The following HIP1 variants were observed in gnomAD, a reference collection of about 807,000 sequenced individuals.
The protein encoded by HIP1 is huntingtin-interacting protein 1.
Under a neutral mutation model 147.6 loss-of-function variants are expected in HIP1, and 65 were observed. The observed-to-expected ratio is 0.44, with a 90% CI of 0.36 to 0.54. The LOEUF (loss-of-function observed/expected upper bound fraction) is 0.54. HIP1 is among the 20% of genes least tolerant of loss of function. HIP1 has a pLI of 0.00. For missense variants in HIP1, 1,061 were observed against 1,299.6 expected (o/e 0.82, Z 2.82); for synonymous variants, 479 against 504.0 (o/e 0.95, Z 0.67).
intron 11 of HIP1, 121 bp from the exon 12 acceptor site, chr7:75,562,291 A>AT (rs1442155648): frequency 3.0e-5 from 19 of 641,212 alleles, no homozygotes; most frequent in Middle Eastern, 7.6e-4. Flanking sequence ...GACCTGTTTA[A>AT]TTTTTTTAAT....
intron 8 of HIP1, among the ~76,000 whole-genome samples, chr7:75,572,189 A>C (rs991276771): frequency 7.2e-4 from 107 of 149,612 alleles, no homozygotes; most frequent in African/African-American, 2.4e-3. Flanking sequence ...ATGCCATTGC[A>C]CTCTAGCCTG....
At chr7:75,660,466 G>A (rs1348621649) in intron 1 of HIP1, among the ~76,000 whole-genome samples, 2 of 152,130 alleles carry the variant, frequency 1.3e-5, no homozygotes, top group African/African-American at 4.8e-5. Context: ...GGCAGAGGTT[G>A]CAGTGAACCG....
intron 1 of HIP1, among the ~76,000 whole-genome samples, chr7:75,659,415 T>A (rs1301475338): frequency 6.6e-6 from 1 of 152,166 alleles, no homozygotes; most frequent in Non-Finnish European, 1.5e-5. Context: ...TCCCAGCACT[T>A]CGGGAGGCCA....
intron 1 of HIP1, among the ~76,000 whole-genome samples, chr7:75,607,745 C>T (rs1554504101): frequency 6.6e-6 from 1 of 151,582 alleles, no homozygotes; most frequent in Non-Finnish European, 1.5e-5. Flanking sequence ...AAAAGAACTG[C>T]TAAGTAAACT....
At chr7:75,608,220 T>C (rs1391469794) in intron 1 of HIP1, among the ~76,000 whole-genome samples, 1 of 151,882 alleles carries the variant, frequency 6.6e-6, no homozygotes, top group African/African-American at 2.4e-5. Context: ...AGGCAGAAAA[T>C]TGCTTAAACC....
At chr7:75,689,539 G>A (rs1800376975) in intron 1 of HIP1, among the ~76,000 whole-genome samples, 1 of 152,088 alleles carries the variant, frequency 6.6e-6, no homozygotes, top group Admixed American at 6.6e-5. Context: ...ACTCACTGTA[G>A]AAAATTATTT....
At chr7:75,595,298 C>G (rs368305217) in intron 2 of HIP1, among the ~76,000 whole-genome samples, 4,311 of 110,592 alleles carry the variant, frequency 0.039, 251 homozygotes, top group African/African-American at 0.084. Context: ...CTTTCTTTCT[C>G]TCTCTCCCTT....
chr7:75,658,378 C>A (rs2117205336), intron 1 of HIP1, among the ~76,000 whole-genome samples: 1 of 152,318 alleles, frequency 6.6e-6, no homozygotes, highest in Admixed American at 6.5e-5. Context: ...GCGTGAGCCA[C>A]TGTATCCGGC....
In HIP1 at chr7:75,543,100, A is replaced by C. The variant is rs868959552; in HGVS notation, c.2767-126T>G. On this transcript the variant is annotated intron_variant, in intron 27 of 30. Coordinates refer to ENST00000336926, the MANE Select transcript of HIP1 (RefSeq NM_005338.7). ...AACGGCAATCACCAATCAGCTTCTC[A>C]AAATCTGCTGACTATAGTCAGCTCC... 47 of 946,836 alleles carry C rather than the reference A, an allele frequency of 5.0e-5. 1 individual carries two copies. In the Middle Eastern group the frequency reaches 1.7e-3, roughly 34 times the overall value. 58.7% of individuals were successfully genotyped at this position (946,836 alleles called of 1,614,324 possible).
intron 1 of HIP1, among the ~76,000 whole-genome samples, chr7:75,647,210 A>C (rs1172717406): frequency 2.2e-5 from 2 of 92,028 alleles, no homozygotes; most frequent in African/African-American, 8.1e-5. Context: ...TACTAAAAAT[A>C]CAAAAAAAAA....
At chr7:75,611,767 T>A in intron 1 of HIP1, 1 of 1,037,982 alleles carries the variant, frequency 9.6e-7, no homozygotes, top group African/African-American at 1.7e-5. Flanking sequence ...GTGTCTCCCC[T>A]GAAAGGGTGG....
chr7:75,680,217 C>T (rs554961682), intron 1 of HIP1, among the ~76,000 whole-genome samples: 23 of 152,140 alleles, frequency 1.5e-4, no homozygotes, highest in African/African-American at 4.8e-4. Flanking sequence ...TAATTTTTTA[C>T]GTTTTTAGTA....
intron 5 of HIP1, among the ~76,000 whole-genome samples, chr7:75,585,718 C>T (rs1022873590): frequency 6.6e-5 from 10 of 152,030 alleles, no homozygotes; most frequent in African/African-American, 2.4e-4. Flanking sequence ...GTGCCCACCC[C>T]TCTGCCTGAT....
At chr7:75,585,733 G>A (rs587617754) in intron 5 of HIP1, among the ~76,000 whole-genome samples, 2 of 151,686 alleles carry the variant, frequency 1.3e-5, no homozygotes, top group South Asian at 4.2e-4. Flanking sequence ...CCTGATCCCC[G>A]TTGTCTCCCA....
intron 1 of HIP1, 112 bp from the exon 2 acceptor site, chr7:75,599,359 C>A (rs1796886464): frequency 2.4e-6 from 2 of 822,812 alleles, no homozygotes; most frequent in Non-Finnish European, 4.1e-6. Flanking sequence ...CAACCTCCCC[C>A]AGCCCCACGG....
At chr7:75,684,079 G>C (rs1178717226) in intron 1 of HIP1, among the ~76,000 whole-genome samples, 1 of 151,970 alleles carries the variant, frequency 6.6e-6, no homozygotes, top group African/African-American at 2.4e-5. Flanking sequence ...AGGAGTTCGA[G>C]ACCAGCCTGA....
chr7:75,544,438 C>T (rs587704562), intron 27 of HIP1, among the ~76,000 whole-genome samples: 2 of 142,074 alleles, frequency 1.4e-5, no homozygotes, highest in African/African-American at 2.7e-5. Flanking sequence ...TACTATCTAA[C>T]GTAGCCAAGT....
intron 7 of HIP1, among the ~76,000 whole-genome samples, 165 bp downstream of exon 7, chr7:75,581,072 G>A (rs1337723288): frequency 6.6e-6 from 1 of 152,140 alleles, no homozygotes; most frequent in Non-Finnish European, 1.5e-5. Context: ...GAAAAATACT[G>A]AAGAGGTTCA....
chr7:75,566,570 G>T (rs1458875157), intron 9 of HIP1, among the ~76,000 whole-genome samples: 1 of 151,500 alleles, frequency 6.6e-6, no homozygotes, highest in Non-Finnish European at 1.5e-5. Context: ...CATAGCAATG[G>T]TAAACTGTCA....
Sources: allele counts gnomAD v4.1 joint callset (sites outside exome capture counted in the v4.1 genomes callset), GRCh38; gene constraint gnomAD v4.1.1; transcripts MANE v1.5; gene names NCBI Gene and HGNC (gene_info 2026-07-23, HGNC 2026-07-21).